RBKS: variants seen among roughly 807,000 people sequenced by gnomAD.
RBKS encodes the protein ribokinase.
Under a neutral mutation model 33.9 loss-of-function variants are expected in RBKS, and 33 were observed. The observed-to-expected ratio is 0.97, with a 90% CI of 0.74 to 1.30. RBKS has a LOEUF of 1.30. RBKS is among the 50% of genes most tolerant of loss of function. RBKS has a pLI of 0.00. For synonymous variants in RBKS, 125 were observed against 143.0 expected, an observed-to-expected ratio of 0.87 and a Z score of 0.90; for missense variants, 361 against 392.6, an observed-to-expected ratio of 0.92 and a Z score of 0.68.
intron 3 of RBKS, 133 bp from the exon 4 acceptor site, chr2:27,847,237 T>A (rs1663639468): frequency 1.8e-6 from 1 of 561,848 alleles, no homozygotes; most frequent in Non-Finnish European, 3.2e-6. Context: ...TAAAAAAAAA[T>A]AAGTAATTAG....
intron 6 of RBKS, among the ~76,000 whole-genome samples, chr2:27,828,097 G>T (rs796180821): frequency 3.3e-5 from 5 of 152,284 alleles, no homozygotes; most frequent in African/African-American, 1.2e-4. Flanking sequence ...CATGTTGTCT[G>T]CAACTTATTC....
At chr2:27,884,630 A>G (rs1480798490) in intron 1 of RBKS, among the ~76,000 whole-genome samples, 3 of 152,020 alleles carry the variant, frequency 2.0e-5, no homozygotes, top group African/African-American at 4.8e-5. Context: ...TTATTCCACT[A>G]TCCAATTAAA....
intron 2 of RBKS, among the ~76,000 whole-genome samples, chr2:27,853,438 T>C (rs1663791057): frequency 1.3e-5 from 2 of 151,242 alleles, no homozygotes; most frequent in South Asian, 4.2e-4. Flanking sequence ...GCAGGCAGAT[T>C]GCTTGAGCTC....
intron 2 of RBKS, among the ~76,000 whole-genome samples, chr2:27,856,150 A>C (rs1663852761): frequency 6.6e-6 from 1 of 152,214 alleles, no homozygotes; most frequent in African/African-American, 2.4e-5. Context: ...AATTTGCTTA[A>C]GCTTTTAAAT....
At chr2:27,862,656 C>T (rs1017221208) in intron 1 of RBKS, among the ~76,000 whole-genome samples, 2 of 152,204 alleles carry the variant, frequency 1.3e-5, no homozygotes, top group African/African-American at 2.4e-5. Context: ...ATACGCTCTT[C>T]CTTCTTCCCT....
At chr2:27,863,767 T>C (rs1664034086) in intron 1 of RBKS, among the ~76,000 whole-genome samples, 1 of 152,244 alleles carries the variant, frequency 6.6e-6, no homozygotes, top group African/African-American at 2.4e-5. Flanking sequence ...TTCATTACAC[T>C]AATTTATTAT....
intron 1 of RBKS, among the ~76,000 whole-genome samples, chr2:27,877,057 T>C (rs1664327777): frequency 6.6e-6 from 1 of 152,156 alleles, no homozygotes; most frequent in Non-Finnish European, 1.5e-5. Context: ...GTAAAAACTT[T>C]AATCCTGGCT....
At chr2:27,854,078 C>T (rs1160334230) in intron 2 of RBKS, among the ~76,000 whole-genome samples, 1 of 152,218 alleles carries the variant, frequency 6.6e-6, no homozygotes, top group African/African-American at 2.4e-5. Context: ...TTCAAGCTAT[C>T]CGTGGAGAAG....
chr2:27,813,701 C>T (rs899686529), intron 7 of RBKS, among the ~76,000 whole-genome samples: 48 of 151,038 alleles, frequency 3.2e-4, no homozygotes, highest in African/African-American at 1.1e-3. Context: ...AGAGAGAGAG[C>T]GAATATCTAA....
intron 7 of RBKS, among the ~76,000 whole-genome samples, chr2:27,789,939 A>C (rs13035254): frequency 1.7e-5 from 2 of 118,214 alleles, no homozygotes; most frequent in Admixed American, 9.9e-5. Flanking sequence ...ATATATATAT[A>C]TGTATATGTG....
At chr2:27,868,481 T>C (rs1202980459) in intron 1 of RBKS, among the ~76,000 whole-genome samples, 1 of 152,236 alleles carries the variant, frequency 6.6e-6, no homozygotes, top group Non-Finnish European at 1.5e-5. Flanking sequence ...CACAATATGC[T>C]ACTTTCTTTG....
At chr2:27,812,832 T>C (rs1358227359) in intron 7 of RBKS, among the ~76,000 whole-genome samples, 3 of 151,600 alleles carry the variant, frequency 2.0e-5, no homozygotes, top group Non-Finnish European at 4.4e-5. Context: ...ATTGTGCACA[T>C]GTAACCTAGA....
chr2:27,794,665 C>T (rs548220069), intron 7 of RBKS, among the ~76,000 whole-genome samples: 1 of 150,286 alleles, frequency 6.7e-6, no homozygotes, highest in African/African-American at 2.4e-5. Flanking sequence ...CTCTTGTTGC[C>T]CAGGCTGGAG....
At chr2:27,888,153 G>A (rs1422123005) in intron 1 of RBKS, among the ~76,000 whole-genome samples, 1 of 151,304 alleles carries the variant, frequency 6.6e-6, no homozygotes, top group Non-Finnish European at 1.5e-5. Flanking sequence ...TTGAGATGGA[G>A]TTTTGCTCTT....
chr2:27,818,633 G>A (rs1441214854), intron 7 of RBKS, among the ~76,000 whole-genome samples: 1 of 152,214 alleles, frequency 6.6e-6, no homozygotes, highest in African/African-American at 2.4e-5. Flanking sequence ...AGGTTGTTCT[G>A]AGAATGTGAA....
At chr2:27,783,764 G>A (rs1411508066) in intron 7 of RBKS, among the ~76,000 whole-genome samples, 4 of 151,274 alleles carry the variant, frequency 2.6e-5, no homozygotes, top group Non-Finnish European at 4.4e-5. Flanking sequence ...AAAATTAGCC[G>A]GGCGAGGTGG....
intron 2 of RBKS, among the ~76,000 whole-genome samples, chr2:27,855,298 T>C (rs904161703): frequency 2.6e-5 from 4 of 152,246 alleles, no homozygotes; most frequent in Non-Finnish European, 5.9e-5. Context: ...TAGTCTCACA[T>C]TTGAAGGAAG....
At chr2:27,823,120 A>C (rs1378077837) in intron 7 of RBKS, among the ~76,000 whole-genome samples, 1 of 152,182 alleles carries the variant, frequency 6.6e-6, no homozygotes, top group African/African-American at 2.4e-5. Flanking sequence ...TCAGGTTGGA[A>C]GAAGAGAGGG....
chr2:27,782,631 T>C (rs1001163997), intron 7 of RBKS: 5 of 467,466 alleles, frequency 1.1e-5, no homozygotes, highest in African/African-American at 6.0e-5. Flanking sequence ...TCACATCATA[T>C]TAAGGGCACA....
Sources: gnomAD v4.1 joint callset for allele counts (sites outside exome capture counted in the v4.1 genomes callset) on GRCh38, gnomAD v4.1.1 for gene constraint, MANE v1.5 for transcripts, NCBI Gene and HGNC (gene_info 2026-07-23, HGNC 2026-07-21) for gene names.